Variants in FRRS1L observed in about 807,000 individuals in gnomAD.
The protein encoded by FRRS1L is ferric chelate reductase 1 like.
In FRRS1L, 22 loss-of-function variants were observed where a neutral mutation model predicts 28.6. That is an observed-to-expected ratio of 0.77 (90% CI 0.55 to 1.10). The LOEUF is 1.10. Among genes scored for constraint, FRRS1L ranks in the 50% least tolerant of loss-of-function variants. FRRS1L has a pLI of 0.00. For missense variants in FRRS1L, 380 were observed against 386.9 expected (o/e 0.98, Z 0.15); for synonymous variants, 158 against 151.4 (o/e 1.04, Z -0.32).
At chr9:109,147,420 A>C (rs1008589558) in intron 2 of FRRS1L, 1 of 464,464 alleles carries the variant, frequency 2.2e-6, no homozygotes, top group African/African-American at 2.0e-5. Flanking sequence ...GGCTTGCCCG[A>C]GGTTGTATAG....
intron 1 of FRRS1L, among the ~76,000 whole-genome samples, chr9:109,152,959 A>C (rs936201531): frequency 6.6e-6 from 1 of 152,004 alleles, no homozygotes; most frequent in African/African-American, 2.4e-5. Flanking sequence ...TCTAGCACTA[A>C]TTTTCTATTA....
chr9:109,159,125 T>C (rs1285884163), intron 1 of FRRS1L, among the ~76,000 whole-genome samples: 2 of 152,220 alleles, frequency 1.3e-5, no homozygotes, highest in African/African-American at 2.4e-5. Flanking sequence ...TTTGGAAAAA[T>C]GTCTTTTTAA....
In FRRS1L at chr9:109,134,984, C is replaced by CG. The variant is rs1831096108; in HGVS notation, c.*2470_*2471insC. The stretch of plus-strand genomic sequence containing the variant: ...AGGGGACTTGAGTTTGAATCCTACC[C>CG]AGTTCCATTATGCACTTGATGTCAT... On this transcript the variant is annotated 3_prime_UTR_variant, in exon 5 of 5. Coordinates refer to ENST00000561981, the MANE Select transcript of FRRS1L (RefSeq NM_014334.4). 6.6e-6 allele frequency: 1 copy of CG among 152,224 alleles called. No individual in the cohort carries two copies. The allele number at this position is 152,224 out of a possible 1,614,324, so 9.4% of individuals were successfully genotyped here.
Position 109,137,409 on chromosome 9 carries a change from C to A in FRRS1L, c.*46G>T. Reference sequence around the variant, plus strand: ...ATATTCTTTAAAAAATATATTTATACTAAAGACTTCCCAATCCATGTAATC... The same window carrying A: ...ATATTCTTTAAAAAATATATTTATAATAAAGACTTCCCAATCCATGTAATC... On this transcript the variant is annotated 3_prime_UTR_variant, in exon 5 of 5. Coordinates refer to ENST00000561981, the MANE Select transcript of FRRS1L (RefSeq NM_014334.4). 8.4e-7 allele frequency: 1 copy of A among 1,192,508 alleles called. No individual in the cohort carries two copies. Among genetic ancestry groups the A allele is most frequent in the Non-Finnish European group, 1.1e-6 (1 of 880,606 alleles). 73.9% of individuals were successfully genotyped at this position (1,192,508 alleles called of 1,614,324 possible).
In FRRS1L at chr9:109,167,080, A is replaced by G; in HGVS notation, c.59T>C (p.Leu20Pro). The change falls in exon 1 of 5, where the codon CTG (leucine) becomes CCG (proline). Residue 20 changes from leucine to proline, a missense_variant. By Grantham distance (98) the Leu-to-Pro change is moderately conservative (BLOSUM62 -3). Transcript: ENST00000561981. ...GGCTGCGCAGGCGGCGGGCCCCGTC[A>G]GTAGCAGCAGGAGCAGCGACGCCCA... ...GVWASLLLLL[L>P]TGPAACAASP... 8.5e-7 allele frequency: 1 copy of G among 1,177,700 alleles called. No individual in the cohort carries two copies. Among genetic ancestry groups the G allele is most frequent in the Non-Finnish European group, 1.0e-6 (1 of 956,682 alleles). The allele number at this position is 1,177,700 out of a possible 1,614,324, so 73.0% of individuals were successfully genotyped here.
At chr9:109,147,430 G>A in intron 2 of FRRS1L, 2 of 432,912 alleles carry the variant, frequency 4.6e-6, no homozygotes, top group Non-Finnish European at 8.2e-6. Context: ...AGGTTGTATA[G>A]TGAAGTCAGC....
At position 109,141,605 on chromosome 9, in the gene FRRS1L, ATTG is replaced by A. The variant is rs1398481380; in HGVS notation, c.463-19_463-17del. The A allele has an allele frequency of 3.1e-6, 5 of 1,587,878 alleles. No individual in the cohort carries two copies. Among genetic ancestry groups the A allele is most frequent in the African/African-American group, 1.4e-5 (1 of 71,388 alleles). ...CATCACCACCCTAACATGAGAAATG[ATTG>A]AGAAAAAAAAAAGTCAAAGGTTCAT... On this transcript the variant is annotated splice_polypyrimidine_tract_variant and intron_variant, in intron 3 of 4. Transcript: ENST00000561981.
At chr9:109,153,192 G>A (rs963721240) in intron 1 of FRRS1L, among the ~76,000 whole-genome samples, 1 of 152,148 alleles carries the variant, frequency 6.6e-6, no homozygotes, top group East Asian at 1.9e-4. Context: ...CTGAGTTTAT[G>A]CTGAGCAACG....
In FRRS1L at chr9:109,130,689, A is replaced by G. The variant is rs142554158; in HGVS notation, c.*6766T>C. 1.1e-4 allele frequency: 16 copies of G among 152,346 alleles called. No homozygotes were observed. The East Asian group carries it at 3.1e-3, about 29-fold the overall frequency. The allele number at this position is 152,346 out of a possible 1,614,324, so 9.4% of individuals were successfully genotyped here. A position where few individuals can be genotyped will look rare whatever the true frequency, so the allele number is the denominator to read the frequency against. On this transcript the variant is annotated 3_prime_UTR_variant, in exon 5 of 5. Coordinates refer to ENST00000561981, the MANE Select transcript of FRRS1L (RefSeq NM_014334.4). ...AAATAGTATTTTGTAGACAGTCTCA[A>G]AAAAGTATATTAATACTCCTGGAGC... is the stretch of plus-strand genomic sequence containing the variant.
In FRRS1L at chr9:109,133,718, T is replaced by C. The variant is rs1253662061; in HGVS notation, c.*3737A>G. ...GGTGAGGATTAAATGAGTTAATTCA[T>C]GTAAAGTGCTTAGAACAGCACTAAA... On this transcript the variant is annotated 3_prime_UTR_variant, in exon 5 of 5. Transcript: ENST00000561981. 1 of 152,264 alleles carries C rather than the reference T, an allele frequency of 6.6e-6. No individual in the cohort carries two copies. The highest frequency in any genetic ancestry group is 1.5e-5 in the Non-Finnish European group (1 of 68,046). The allele number at this position is 152,264 out of a possible 1,614,324, so 9.4% of individuals were successfully genotyped here. A position where few individuals can be genotyped will look rare whatever the true frequency, so the allele number is the denominator to read the frequency against.
At chr9:109,156,952 T>A (rs1414962069) in intron 1 of FRRS1L, among the ~76,000 whole-genome samples, 4 of 151,136 alleles carry the variant, frequency 2.6e-5, no homozygotes, top group African/African-American at 9.7e-5. Flanking sequence ...AAATTACAGT[T>A]GTAAGCCACC....
intron 3 of FRRS1L, among the ~76,000 whole-genome samples, chr9:109,142,823 A>T (rs1461418341): frequency 7.3e-6 from 1 of 137,754 alleles, no homozygotes; most frequent in South Asian, 2.4e-4. Context: ...TAAAAATAAA[A>T]AAAAAAATAC....
At chr9:109,151,174 A>G (rs1467242) in intron 1 of FRRS1L, 24,212 of 152,194 alleles carry the variant, frequency 0.16, 2,156 homozygotes, top group Middle Eastern at 0.21. Flanking sequence ...TTTTACCACC[A>G]AAGTAGTTGG....
chr9:109,135,284 A>G lies in FRRS1L; in HGVS notation c.*2171T>C, dbSNP rs1278901557. 4 of 152,232 alleles carry G rather than the reference A, an allele frequency of 2.6e-5. No homozygotes were observed. The highest frequency in any genetic ancestry group is 5.9e-5 in the Non-Finnish European group (4 of 68,054). The allele number at this position is 152,232 out of a possible 1,614,324, so 9.4% of individuals were successfully genotyped here. Reference sequence around the variant, plus strand: ...AGAGAACTCTAGAATGCCAGAGTGGAAATGTCTCAGCAGCACTAACTATAC... The same window carrying G: ...AGAGAACTCTAGAATGCCAGAGTGGGAATGTCTCAGCAGCACTAACTATAC... On this transcript the variant is annotated 3_prime_UTR_variant, in exon 5 of 5. Coordinates refer to ENST00000561981, the MANE Select transcript of FRRS1L (RefSeq NM_014334.4).
At chr9:109,143,043 G>T (rs936847468) in intron 3 of FRRS1L, among the ~76,000 whole-genome samples, 1 of 152,116 alleles carries the variant, frequency 6.6e-6, no homozygotes, top group Admixed American at 6.6e-5. Flanking sequence ...GTTTGGTCGG[G>T]TGTGATGGCT....
At chr9:109,149,475 G>T (rs1470186492) in intron 2 of FRRS1L, among the ~76,000 whole-genome samples, 161 bp downstream of exon 2, 1 of 152,194 alleles carries the variant, frequency 6.6e-6, no homozygotes, top group East Asian at 1.9e-4. Flanking sequence ...AGGCCTTTAA[G>T]ACTGAAAAGC....
intron 1 of FRRS1L, among the ~76,000 whole-genome samples, chr9:109,163,322 G>A (rs541240495): frequency 6.6e-6 from 1 of 152,314 alleles, no homozygotes; most frequent in Admixed American, 6.5e-5. Context: ...AGACAGCAAA[G>A]AGGGTCACGG....
chr9:109,166,866 C>A (rs969649913), intron 1 of FRRS1L, 35 bp downstream of exon 1: 30 of 930,076 alleles, frequency 3.2e-5, no homozygotes, highest in Admixed American at 5.0e-5. Context: ...CCCCGGTCTC[C>A]CCTCCCGCAA....
intron 1 of FRRS1L, among the ~76,000 whole-genome samples, chr9:109,159,556 T>C (rs140432186): frequency 6.6e-6 from 1 of 152,174 alleles, no homozygotes; most frequent in South Asian, 2.1e-4. Flanking sequence ...TCCCAGCTAC[T>C]TGGGAAGCTG....
Sources: gnomAD v4.1 joint callset for allele counts (sites outside exome capture counted in the v4.1 genomes callset) on GRCh38, gnomAD v4.1.1 for gene constraint, MANE v1.5 for transcripts, NCBI Gene and HGNC (gene_info 2026-07-23, HGNC 2026-07-21) for gene names.